The following LPP variants were observed in gnomAD, a reference collection of about 807,000 sequenced individuals.
The protein encoded by LPP is lipoma-preferred partner.
A neutral mutation model predicts 60.4 loss-of-function variants in LPP; 38 were observed. The ratio of observed to expected loss-of-function variants is 0.63; its 90% CI spans 0.49 to 0.83. The LOEUF (loss-of-function observed/expected upper bound fraction) is 0.83. LPP is among the 40% of genes least tolerant of loss of function. The pLI is 0.00. For synonymous variants in LPP, 328 were observed against 290.8 expected, an observed-to-expected ratio of 1.13 and a Z score of -1.30; for missense variants, 902 against 783.6, an observed-to-expected ratio of 1.15 and a Z score of -1.80.
intron 2 of LPP, among the ~76,000 whole-genome samples, chr3:188,340,537 T>C (rs1027578766): frequency 6.6e-6 from 1 of 151,980 alleles, no homozygotes; most frequent in Non-Finnish European, 1.5e-5. Context: ...CTTATATTTC[T>C]CAATAAATCC....
intron 9 of LPP, among the ~76,000 whole-genome samples, chr3:188,804,526 C>G (rs1046303964): frequency 1.3e-5 from 2 of 151,536 alleles, no homozygotes; most frequent in African/African-American, 4.8e-5. Context: ...ACTCACTCTT[C>G]GGTTTATGGG....
chr3:188,782,915 T>C (rs2150899447), intron 9 of LPP, among the ~76,000 whole-genome samples: 1 of 152,248 alleles, frequency 6.6e-6, no homozygotes, highest in East Asian at 1.9e-4. Flanking sequence ...TCTCAAGGGA[T>C]GCCCTGGCCT....
chr3:188,431,647 G>A (rs904103097), intron 4 of LPP, among the ~76,000 whole-genome samples: 8 of 152,126 alleles, frequency 5.3e-5, no homozygotes, highest in Non-Finnish European at 1.2e-4. Flanking sequence ...GGAGGGAAGG[G>A]TGAATGGAAA....
At chr3:188,734,792 A>G (rs557620600) in intron 8 of LPP, among the ~76,000 whole-genome samples, 3 of 152,308 alleles carry the variant, frequency 2.0e-5, no homozygotes, top group South Asian at 2.1e-4. Context: ...AATGACTTCA[A>G]TGGAAAGGAT....
intron 3 of LPP, among the ~76,000 whole-genome samples, chr3:188,367,422 A>C (rs898741510): frequency 6.6e-6 from 1 of 152,190 alleles, no homozygotes; most frequent in African/African-American, 2.4e-5. Context: ...ATCTATTATA[A>C]AATAGATCTG....
At chr3:188,509,873 G>GTTTTTTTTTTTTTTTTT (rs35389820) in intron 5 of LPP, among the ~76,000 whole-genome samples, 2 of 111,044 alleles carry the variant, frequency 1.8e-5, no homozygotes, top group Non-Finnish European at 3.4e-5. Context: ...TTTTTTTGTT[G>GTTTTTTTTTTTTTTTTT]TTTTTTTTTT....
intron 7 of LPP, among the ~76,000 whole-genome samples, chr3:188,636,662 G>GC (rs1560681700): frequency 6.6e-6 from 1 of 152,122 alleles, no homozygotes; most frequent in Non-Finnish European, 1.5e-5. Flanking sequence ...GTCCCTGTCT[G>GC]ACAGCTTTGA....
At chr3:188,246,683 C>T (rs1020442197) in intron 2 of LPP, among the ~76,000 whole-genome samples, 1 of 152,168 alleles carries the variant, frequency 6.6e-6, no homozygotes, top group Non-Finnish European at 1.5e-5. Context: ...CCACATTTTC[C>T]TACCATCTGA....
intron 8 of LPP, chr3:188,758,712 C>T (rs1731174077): frequency 6.6e-6 from 1 of 152,156 alleles, no homozygotes; most frequent in African/African-American, 2.4e-5. Context: ...GAAGTCTCTC[C>T]ATAATGCTCC....
rs562739571 is a variant in LPP at position 188,349,580 on chromosome 3, G to T, written c.-10+7861G>T. On this transcript the variant is annotated intron_variant, in intron 3 of 11. Transcript: ENST00000617246. Reference sequence around the variant, plus strand: ...AATCTTTCTGCCATGCTTTCACTCAGACATTACTGGCTGAGTATAAACTCG... The same window carrying T: ...AATCTTTCTGCCATGCTTTCACTCATACATTACTGGCTGAGTATAAACTCG... Among the ~76,000 whole-genome samples the T allele has an allele frequency of 6.6e-5, 10 of 152,326 alleles. No individual in the cohort carries two copies. In the South Asian group the frequency reaches 2.1e-3, roughly 32 times the overall value.
intron 6 of LPP, among the ~76,000 whole-genome samples, chr3:188,593,355 G>A (rs1260262962): frequency 6.6e-6 from 1 of 151,858 alleles, no homozygotes; most frequent in African/African-American, 2.4e-5. Flanking sequence ...ATTAAATAGA[G>A]AAAATTAAGT....
chr3:188,642,241 A>T (rs2148816934), intron 7 of LPP, among the ~76,000 whole-genome samples: 1 of 152,218 alleles, frequency 6.6e-6, no homozygotes, highest in East Asian at 1.9e-4. Context: ...TTTATTTCCC[A>T]TTTTAGACAT....
chr3:188,567,136 G>T (rs777080921), intron 6 of LPP, among the ~76,000 whole-genome samples: 7 of 151,840 alleles, frequency 4.6e-5, no homozygotes, highest in Admixed American at 6.6e-5. Flanking sequence ...GTATGATTTA[G>T]AGAAACAAAC....
intron 2 of LPP, among the ~76,000 whole-genome samples, chr3:188,268,158 C>T (rs1238560495): frequency 2.0e-5 from 3 of 151,604 alleles, no homozygotes; most frequent in Non-Finnish European, 4.4e-5. Flanking sequence ...AAGGTTCTGA[C>T]CTTTGTGACC....
At chr3:188,613,865 C>T (rs143436046) in intron 7 of LPP, among the ~76,000 whole-genome samples, 1 of 151,630 alleles carries the variant, frequency 6.6e-6, no homozygotes, top group African/African-American at 2.4e-5. Flanking sequence ...TACACTACCA[C>T]TTTGAACATT....
rs569918846 is a variant in LPP, at chr3:188,543,853, G to T, written c.429+19066G>T. Reference sequence around the variant, plus strand: ...TGAAGCCCAGGAATTAAGAATACTAGGGGGAATCTTATAAACCTGCCGATC... The same window carrying T: ...TGAAGCCCAGGAATTAAGAATACTATGGGGAATCTTATAAACCTGCCGATC... On this transcript the variant is annotated intron_variant, in intron 6 of 11. Coordinates refer to ENST00000617246, the MANE Select transcript of LPP (RefSeq NM_001375462.1). 2.0e-4 allele frequency among the ~76,000 whole-genome samples: 31 copies of T among 152,302 alleles called. 1 individual carries two copies. The South Asian group carries it at 6.4e-3, about 32-fold the overall frequency.
intron 4 of LPP, among the ~76,000 whole-genome samples, chr3:188,476,435 C>CCT (rs1803249766): frequency 6.6e-6 from 1 of 152,010 alleles, no homozygotes; most frequent in South Asian, 2.1e-4. Flanking sequence ...TTAACATGCT[C>CCT]CTCTGCATGT....
chr3:188,159,189 G>T (rs1021390270), intron 1 of LPP, among the ~76,000 whole-genome samples: 2 of 152,092 alleles, frequency 1.3e-5, no homozygotes, highest in African/African-American at 4.8e-5. Flanking sequence ...TTGATCTCAC[G>T]GCTCCGGTAA....
At chr3:188,709,106 T>A (rs919886152) in intron 8 of LPP, 99 of 152,122 alleles carry the variant, frequency 6.5e-4, no homozygotes, top group African/African-American at 2.3e-3. Context: ...TCTTTGTAGT[T>A]TTAATTTTCC....
Sources: allele counts gnomAD v4.1 joint callset (sites outside exome capture counted in the v4.1 genomes callset), GRCh38; gene constraint gnomAD v4.1.1; transcripts MANE v1.5; gene names NCBI Gene and HGNC (gene_info 2026-07-23, HGNC 2026-07-21).